Variants in ZNF792 observed in about 807,000 individuals in gnomAD.
ZNF792 encodes zinc finger protein 792.
ZNF792 carries 14 observed loss-of-function variants against 13.1 expected under a neutral mutation model. That is an observed-to-expected ratio of 1.07 (90% CI 0.71 to 1.67). ZNF792 has a LOEUF of 1.67. Ranked by LOEUF, ZNF792 falls within the 40% of genes most tolerant of loss-of-function variation. The pLI, the probability that ZNF792 is intolerant of heterozygous loss-of-function variation, is 0.00. For missense variants in ZNF792, 740 were observed against 807.9 expected (o/e 0.92, Z 1.02); for synonymous variants, 257 against 292.0 (o/e 0.88, Z 1.22).
Position 34,958,869 on chromosome 19 carries a change from C to T in ZNF792, c.986G>A (p.Arg329His), listed in dbSNP as rs144022677. Residue 329 changes from arginine to histidine, a missense_variant, in exon 4 of 4, where the codon CGC becomes CAC. Physicochemically the swap from Arg to His is conservative, Grantham distance 29 (BLOSUM62 0). Transcript: ENST00000404801. ...FSQHSSLVKH[R>H]RVHTGESPHV... is the part of the protein sequence containing the mutation. ...AGGGCTTTCACCGGTGTGAACCCTG[C>T]GATGTTTAACAAGGCTGGAGTGCTG... 8.5e-5 allele frequency: 137 copies of T among 1,613,408 alleles called. No homozygotes were observed. The highest frequency in any genetic ancestry group is 9.9e-5 in the South Asian group (9 of 91,024).
At position 34,958,837 on chromosome 19, in the gene ZNF792, AC is replaced by A; in HGVS notation, c.1017del (p.Cys340ValfsTer70). ...CTGAAGAATTTCCCACAGTCACCAC[AC>A]ACGTGAGGGCTTTCACCGGTGTGAA... The part of the protein sequence containing the change: ...RRVHTGESPH[V>X]CGDCGKFFSR... On this transcript the variant is annotated frameshift_variant, in exon 4 of 4. Coordinates refer to ENST00000404801, the MANE Select transcript of ZNF792 (RefSeq NM_175872.5). LOFTEE classifies it low-confidence loss of function (END_TRUNC). 6.2e-7 allele frequency: 1 copy of A among 1,612,518 alleles called. No individual in the cohort carries two copies. The highest frequency in any genetic ancestry group is 8.5e-7 in the Non-Finnish European group (1 of 1,178,740).
Position 34,959,541 on chromosome 19 carries a change from A to G in ZNF792, c.314T>C (p.Leu105Ser), listed in dbSNP as rs752421461. Residue 105 changes from leucine to serine, a missense_variant, in exon 4 of 4, where the codon TTA becomes TCA. Physicochemically the swap from Leu to Ser is moderately radical, Grantham distance 145 (BLOSUM62 -2). Coordinates refer to ENST00000404801, the MANE Select transcript of ZNF792 (RefSeq NM_175872.5). Reference sequence around the variant, plus strand: ...TACAGAAACGTTATGCTCAGAAGGTAAGTCCTTGCCCTCTGTTCCATGGCA... The same window carrying G: ...TACAGAAACGTTATGCTCAGAAGGTGAGTCCTTGCCCTCTGTTCCATGGCA... ...DFCHGTEGKD[L>S]PSEHNVSVEG... 6.4e-7 allele frequency: 1 copy of G among 1,557,210 alleles called. No individual in the cohort carries two copies. Among genetic ancestry groups the G allele is most frequent in the Admixed American group, 1.9e-5 (1 of 52,204 alleles).
chr19:34,960,462 G>T lies in ZNF792; in HGVS notation c.161-105C>A, dbSNP rs2013511250. Reference sequence around the variant, plus strand: ...TCCGTATGACACAGGGACATTGGGTGGTCACGGCAAGCAGTAACCACATCA... The same window carrying T: ...TCCGTATGACACAGGGACATTGGGTTGTCACGGCAAGCAGTAACCACATCA... On this transcript the variant is annotated intron_variant, in intron 2 of 3. Coordinates refer to ENST00000404801, the MANE Select transcript of ZNF792 (RefSeq NM_175872.5). 2.8e-6 allele frequency: 4 copies of T among 1,433,736 alleles called. No individual in the cohort carries two copies. In the Admixed American group the frequency reaches 8.4e-5, roughly 30 times the overall value. The allele number at this position is 1,433,736 out of a possible 1,614,324, so 88.8% of individuals were successfully genotyped here.
chr19:34,963,087 C>T lies in ZNF792; in HGVS notation c.33+543G>A, dbSNP rs2013551419. 2.0e-5 allele frequency among the ~76,000 whole-genome samples: 3 copies of T among 152,158 alleles called. No homozygotes were observed. In the South Asian group the frequency reaches 6.2e-4, roughly 32 times the overall value. ...CCTGGGCTATTCCATTAGGCTACTC[C>T]TTGGCATCCCTGCTTGCGGCTCACT... On this transcript the variant is annotated intron_variant, in intron 1 of 3. Coordinates refer to ENST00000404801, the MANE Select transcript of ZNF792 (RefSeq NM_175872.5).
At chr19:34,963,491 C>T in intron 1 of ZNF792, 139 bp downstream of exon 1, 1 of 1,262,526 alleles carries the variant, frequency 7.9e-7, no homozygotes, top group African/African-American at 1.5e-5. Context: ...GGAGCAACTC[C>T]CTTCCAGGGT....
In ZNF792 at chr19:34,963,622, G is replaced by A. The variant is rs369943177; in HGVS notation, c.33+8C>T. On this transcript the variant is annotated splice_region_variant and intron_variant, in intron 1 of 3. Transcript: ENST00000404801. The stretch of plus-strand genomic sequence containing the variant: ...CGACAGCGAAGGGCCTAACGTCCAA[G>A]CACTCACCTGCGCGGGGTCCCGCAG... 92 of 1,603,202 alleles carry A rather than the reference G, an allele frequency of 5.7e-5. 1 individual carries two copies. The highest frequency in any genetic ancestry group is 4.5e-4 in the South Asian group (40 of 88,884).
At position 34,959,144 on chromosome 19, in the gene ZNF792, C is replaced by A. The variant is rs547082818; in HGVS notation, c.711G>T (p.Pro237=). 3 of 1,613,750 alleles carry A rather than the reference C, an allele frequency of 1.9e-6. No homozygotes were observed. Among genetic ancestry groups the A allele is most frequent in the Non-Finnish European group, 2.5e-6 (3 of 1,179,656 alleles). ...CCACCACACCTTCGGTGGCCTCGTG[C>A]GGCTCCCCATCGCTGGGAGTGACCT... ...QCEVTPSDGE[P]HEATEGVVDF... is the part of the protein sequence containing the mutation. The change falls in exon 4 of 4, where the codon CCG becomes CCT. Residue 237 remains proline (P), a synonymous_variant. Coordinates refer to ENST00000404801, the MANE Select transcript of ZNF792 (RefSeq NM_175872.5).
Position 34,957,741 on chromosome 19 carries a change from C to T in ZNF792, c.*215G>A. On this transcript the variant is annotated 3_prime_UTR_variant, in exon 4 of 4. Coordinates refer to ENST00000404801, the MANE Select transcript of ZNF792 (RefSeq NM_175872.5). The stretch of plus-strand genomic sequence containing the variant: ...CGGGAATGACATCTTCCCAAGGCTT[C>T]AGACTACTCCTAATTCCCTTTAGGG... 1 of 525,774 alleles carries T rather than the reference C, an allele frequency of 1.9e-6. No homozygotes were observed. The highest frequency in any genetic ancestry group is 3.3e-6 in the Non-Finnish European group (1 of 304,676). The allele number at this position is 525,774 out of a possible 1,614,324, so 32.6% of individuals were successfully genotyped here. A position where few individuals can be genotyped will look rare whatever the true frequency, so the allele number is the denominator to read the frequency against.
In ZNF792 at chr19:34,958,734, A is replaced by T. The variant is rs1430926812; in HGVS notation, c.1121T>A (p.Phe374Tyr). The T allele has an allele frequency of 1.2e-6, 2 of 1,613,722 alleles. No individual in the cohort carries two copies. The highest frequency in any genetic ancestry group is 2.7e-5 in the African/African-American group (2 of 74,902). Residue 374 changes from phenylalanine to tyrosine, a missense_variant, in exon 4 of 4, where the codon TTC becomes TAC. By Grantham distance (22) the Phe-to-Tyr change is conservative. Transcript: ENST00000404801. ...KPYECSDCGK[F>Y]FSQRSNLIHH... ...AATGAGGTTGGAACGCTGGCTGAAG[A>T]ACTTCCCACAGTCGCTGCACTCATA...
At chr19:34,959,783 G>A (rs910215903) in intron 3 of ZNF792, among the ~76,000 whole-genome samples, 2 of 152,166 alleles carry the variant, frequency 1.3e-5, no homozygotes, top group Admixed American at 1.3e-4. Context: ...GGGACACAAG[G>A]ATGGGGGACA....
intron 1 of ZNF792, among the ~76,000 whole-genome samples, chr19:34,961,785 C>T (rs984074184): frequency 6.6e-6 from 1 of 152,230 alleles, no homozygotes; most frequent in African/African-American, 2.4e-5. Flanking sequence ...GCAACTCTGC[C>T]AACTGACTCC....
Position 34,958,513 on chromosome 19 carries a change from G to A in ZNF792, c.1342C>T (p.Arg448Trp), listed in dbSNP as rs776966471. The A allele has an allele frequency of 1.7e-5, 27 of 1,587,966 alleles. No homozygotes were observed. Among genetic ancestry groups the A allele is most frequent in the East Asian group, 9.0e-5 (4 of 44,520 alleles). Residue 448 changes from arginine to tryptophan, a missense_variant, in exon 4 of 4, where the codon CGG becomes TGG. Arg to Trp is a moderately radical substitution (Grantham distance 101). Transcript: ENST00000404801. ...CCACACTCACCACACCCGTGAGGCC[G>A]CTCGCCAGTGTGAACTATCTGATGT... ...IQHQIVHTGE[R>W]PHGCGECGKA...
chr19:34,962,441 T>C (rs1039565631), intron 1 of ZNF792, among the ~76,000 whole-genome samples: 5 of 152,178 alleles, frequency 3.3e-5, no homozygotes, highest in African/African-American at 1.2e-4. Context: ...AGGGTGCGTA[T>C]CTGCCTTTCT....
rs761927049 is a variant in ZNF792, at chr19:34,959,498, G to A, written c.357C>T (p.Asp119=). 1 of 1,604,818 alleles carries A rather than the reference G, an allele frequency of 6.2e-7. No individual in the cohort carries two copies. Among genetic ancestry groups the A allele is most frequent in the African/African-American group, 1.3e-5 (1 of 74,638 alleles). ...GGCACAGAGTTGCCTCGGGACTCCT[G>A]TCCTGTGCCACTCCTTCTACAGAAA... ...HNVSVEGVAQ[D]RSPEATLCPQ... Residue 119 remains aspartate (D), a synonymous_variant, in exon 4 of 4, where the codon GAC becomes GAT. Transcript: ENST00000404801.
Position 34,958,004 on chromosome 19 carries a change from G to A in ZNF792, c.1851C>T (p.Tyr617=). Residue 617 remains tyrosine (Y), a synonymous_variant, in exon 4 of 4, where the codon TAC becomes TAT. Coordinates refer to ENST00000404801, the MANE Select transcript of ZNF792 (RefSeq NM_175872.5). Reference sequence around the variant, plus strand: ...TACTTGGATGAACAAGTTTCAACTTGTAGTTGACAGCGCCCTGATAAGGTC... The same window carrying A: ...TACTTGGATGAACAAGTTTCAACTTATAGTTGACAGCGCCCTGATAAGGTC... ...ENRPYQGAVN[Y]KLKLVHPSTH... is the part of the protein sequence containing the mutation. 6.2e-7 allele frequency: 1 copy of A among 1,613,030 alleles called. No homozygotes were observed. Among genetic ancestry groups the A allele is most frequent in the Non-Finnish European group, 8.5e-7 (1 of 1,179,456 alleles).
rs2013445297 is a variant in ZNF792 at position 34,957,258 on chromosome 19, G to T, written c.*698C>A. The T allele has an allele frequency of 6.6e-6, 1 of 152,246 alleles. No individual in the cohort carries two copies. Among genetic ancestry groups the T allele is most frequent in the Non-Finnish European group, 1.5e-5 (1 of 68,024 alleles). 9.4% of individuals were successfully genotyped at this position (152,246 alleles called of 1,614,324 possible). On this transcript the variant is annotated 3_prime_UTR_variant, in exon 4 of 4. Coordinates refer to ENST00000404801, the MANE Select transcript of ZNF792 (RefSeq NM_175872.5). ...GTTGTCACAACTGCCCCCTCCTCGG[G>T]ATAAAAATTCACGCCATTCAGACCA...
chr19:34,962,721 C>T (rs2013546101), intron 1 of ZNF792, among the ~76,000 whole-genome samples: 1 of 152,048 alleles, frequency 6.6e-6, no homozygotes, highest in Admixed American at 6.5e-5. Flanking sequence ...GGCCATTGTT[C>T]GAATGAATAT....
rs2013518888 is a variant in ZNF792, at chr19:34,960,918, A to G, written c.110T>C (p.Leu37Pro). 6.2e-7 allele frequency: 1 copy of G among 1,613,922 alleles called. No homozygotes were observed. Among genetic ancestry groups the G allele is most frequent in the African/African-American group, 1.3e-5 (1 of 74,888 alleles). The change falls in exon 2 of 4, where the codon CTC (leucine) becomes CCC (proline). Residue 37 changes from leucine to proline, a missense_variant. Physicochemically the swap from Leu to Pro is moderately conservative, Grantham distance 98. Transcript: ENST00000404801. ...EWVLLDEAQR[L>P]LYCDVMLENF... The stretch of plus-strand genomic sequence containing the variant: ...TTCCAGCATCACATCGCAGTACAGG[A>G]GTCTCTGAGCCTCATCGAGGAGCAC...
rs1409645374 is a variant in ZNF792, at chr19:34,960,098, C to T, written c.283+137G>A. 6.2e-6 allele frequency: 8 copies of T among 1,293,994 alleles called. No individual in the cohort carries two copies. The African/African-American group carries it at 8.9e-5, about 14-fold the overall frequency. 80.2% of individuals were successfully genotyped at this position (1,293,994 alleles called of 1,614,324 possible). ...AATGACAAGTAGATAATGTGTCAAGCACGGGGAAGGAAAAGCAGAGACGTG... is the reference window on the plus strand; with the variant it reads ...AATGACAAGTAGATAATGTGTCAAGTACGGGGAAGGAAAAGCAGAGACGTG... On this transcript the variant is annotated intron_variant, in intron 3 of 3. Coordinates refer to ENST00000404801, the MANE Select transcript of ZNF792 (RefSeq NM_175872.5).
Sources: allele counts gnomAD v4.1 joint callset (sites outside exome capture counted in the v4.1 genomes callset), GRCh38; gene constraint gnomAD v4.1.1; transcripts MANE v1.5; gene names NCBI Gene and HGNC (gene_info 2026-07-23, HGNC 2026-07-21).